Variants in SERPINB5 observed in about 807,000 individuals in gnomAD.
The protein encoded by SERPINB5 is serpin B5.
In SERPINB5, 27 loss-of-function variants were observed where a neutral mutation model predicts 32.2. The ratio of observed to expected loss-of-function variants is 0.84; its 90% CI spans 0.62 to 1.16. SERPINB5 has a LOEUF of 1.16. SERPINB5 is among the 50% of genes most tolerant of loss of function. SERPINB5 has a pLI of 0.00. For missense variants in SERPINB5, 388 were observed against 436.3 expected, an observed-to-expected ratio of 0.89 and a Z score of 0.99; for synonymous variants, 154 against 157.4, an observed-to-expected ratio of 0.98 and a Z score of 0.16.
chr18:63,487,332 T>C (rs1917232533), intron 3 of SERPINB5, among the ~76,000 whole-genome samples: 1 of 152,186 alleles, frequency 6.6e-6, no homozygotes, highest in South Asian at 2.1e-4. Flanking sequence ...AATCTTACCC[T>C]TTCTTTTACC....
rs973786530 is a variant in SERPINB5, at chr18:63,499,269, G to A, written c.717G>A (p.Glu239=). The change falls in exon 6 of 7, where the codon GAG becomes GAA. Residue 239 remains glutamate (E), a synonymous_variant. Transcript: ENST00000382771. The stretch of plus-strand genomic sequence containing the variant: ...TACTACCCAAGGATGTGGAGGATGA[G>A]TCCACAGGCTTGGAGAAGGTAAGGA... The part of the protein sequence containing the change: ...FILLPKDVED[E]STGLEKIEKQ... 3.2e-6 allele frequency: 5 copies of A among 1,585,002 alleles called. No homozygotes were observed. Among genetic ancestry groups the A allele is most frequent in the Non-Finnish European group, 4.3e-6 (5 of 1,165,014 alleles).
At position 63,490,064 on chromosome 18, in the gene SERPINB5, C is replaced by T. The variant is rs575537910; in HGVS notation, c.424+600C>T. On this transcript the variant is annotated intron_variant, in intron 4 of 6. Transcript: ENST00000382771. ...AAAATTAGCCGGGCGTGGTGGCGGG[C>T]GCCTGTAGTCCCAGCTACTCGGGAG... Among the ~76,000 whole-genome samples, 7 of 152,060 alleles carry T rather than the reference C, an allele frequency of 4.6e-5. No individual in the cohort carries two copies. The East Asian group carries it at 9.7e-4, about 21-fold the overall frequency.
At position 63,503,310 on chromosome 18, in the gene SERPINB5, T is replaced by A. The variant is rs753334235; in HGVS notation, c.736-20T>A. On this transcript the variant is annotated intron_variant, in intron 6 of 6. Coordinates refer to ENST00000382771, the MANE Select transcript of SERPINB5 (RefSeq NM_002639.5). Reference sequence around the variant, plus strand: ...GTTGGAAATAAATAAAAATAATTTCTTTTCATTTTTGTCCTTCAGATTGAA... The same window carrying A: ...GTTGGAAATAAATAAAAATAATTTCATTTCATTTTTGTCCTTCAGATTGAA... 6.3e-6 allele frequency: 10 copies of A among 1,594,158 alleles called. No individual in the cohort carries two copies. In the South Asian group the frequency reaches 1.1e-4, roughly 18 times the overall value.
In SERPINB5 at chr18:63,478,353, G is replaced by T. The variant is rs75148059; in HGVS notation, c.-8+1308G>T. 5.4e-3 allele frequency among the ~76,000 whole-genome samples: 826 copies of T among 152,258 alleles called. 1 individual carries two copies. Among genetic ancestry groups the T allele is most frequent in the Admixed American group, 0.013 (195 of 15,304 alleles). ...CTTCTAAAGAGACAGGAGCAGCTAT[G>T]ATGCTTCAGAGCAAAGCAGACGCCC... On this transcript the variant is annotated intron_variant, in intron 1 of 6. Transcript: ENST00000382771.
At chr18:63,493,177 A>G in intron 5 of SERPINB5, 82 bp downstream of exon 5, 1 of 1,588,140 alleles carries the variant, frequency 6.3e-7, no homozygotes, top group Non-Finnish European at 8.6e-7. Context: ...GCATAAATCC[A>G]TTCCAATGAG....
chr18:63,503,690 AT>A lies in SERPINB5; in HGVS notation c.1098del (p.Ile367PhefsTer16), dbSNP rs752901637. 6.2e-7 allele frequency: 1 copy of A among 1,614,198 alleles called. No homozygotes were observed. Among genetic ancestry groups the A allele is most frequent in the South Asian group, 1.1e-5 (1 of 91,082 alleles). The part of the protein sequence containing the change: ...YIIRHNKTRN[I>X]IFFGKFCSP ...CATCAGGCACAACAAAACTCGAAAC[AT>A]TATTTTCTTTGGCAAATTCTGTTCT... On this transcript the variant is annotated frameshift_variant, in exon 7 of 7. Transcript: ENST00000382771. LOFTEE classifies it high-confidence loss of function.
intron 1 of SERPINB5, among the ~76,000 whole-genome samples, chr18:63,478,979 C>T (rs1030291982): frequency 6.6e-6 from 1 of 152,038 alleles, no homozygotes; most frequent in African/African-American, 2.4e-5. Flanking sequence ...AGGCTGGTCT[C>T]GAACTCCTGA....
rs34949686 is a variant in SERPINB5, at chr18:63,500,881, CT to C, written c.735+1597del. On this transcript the variant is annotated intron_variant, in intron 6 of 6. Transcript: ENST00000382771. ...AATTATAATTCCTGTCCTTCTTCTT[CT>C]TTGGTGCATTACTCTCTCTGTTTTT... Among the ~76,000 whole-genome samples the C allele has an allele frequency of 4.3e-3, 659 of 151,798 alleles. 8 individuals carry two copies. Among genetic ancestry groups the C allele is most frequent in the African/African-American group, 0.015 (606 of 41,172 alleles).
intron 6 of SERPINB5, among the ~76,000 whole-genome samples, chr18:63,499,786 C>G (rs1909533357): frequency 6.6e-6 from 1 of 152,068 alleles, no homozygotes; most frequent in Non-Finnish European, 1.5e-5. Flanking sequence ...GACCTGATGT[C>G]AAGCATCCTC....
At chr18:63,489,182 CA>C (rs1248496777) in intron 3 of SERPINB5, among the ~76,000 whole-genome samples, 164 bp from the exon 4 acceptor site, 1 of 152,042 alleles carries the variant, frequency 6.6e-6, no homozygotes, top group African/African-American at 2.4e-5. Context: ...ACATTCAATA[CA>C]AAGAAATTCA....
intron 4 of SERPINB5, chr18:63,490,794 A>AT (rs1491203960): frequency 6.6e-6 from 1 of 152,210 alleles, no homozygotes; most frequent in Non-Finnish European, 1.5e-5. Flanking sequence ...AATGAGGCAC[A>AT]TGTTACCTGA....
At chr18:63,481,609 TTGTACA>T (rs1917128396) in intron 1 of SERPINB5, among the ~76,000 whole-genome samples, 1 of 152,246 alleles carries the variant, frequency 6.6e-6, no homozygotes, top group African/African-American at 2.4e-5. Flanking sequence ...TCATTACTTC[TTGTACA>T]TGTTGAGTTT....
chr18:63,491,401 T>TC (rs113730193), intron 4 of SERPINB5, among the ~76,000 whole-genome samples: 1 of 35,972 alleles, frequency 2.8e-5, no homozygotes, highest in Admixed American at 3.1e-4. Flanking sequence ...AAACTGCGTC[T>TC]CCCAAAAAAA....
At position 63,480,965 on chromosome 18, in the gene SERPINB5, A is replaced by G. The variant is rs1917117645; in HGVS notation, c.-7-3457A>G. Among the ~76,000 whole-genome samples, 3 of 152,244 alleles carry G rather than the reference A, an allele frequency of 2.0e-5. No individual in the cohort carries two copies. In the South Asian group the frequency reaches 6.2e-4, roughly 31 times the overall value. ...GAAAGGAGCCAGTCAGCATAGGAACAGGAAGGCAGATCTCTTTGCGTTCAT... is the reference window on the plus strand; with the variant it reads ...GAAAGGAGCCAGTCAGCATAGGAACGGGAAGGCAGATCTCTTTGCGTTCAT... On this transcript the variant is annotated intron_variant, in intron 1 of 6. Transcript: ENST00000382771.
Position 63,498,817 on chromosome 18 carries a change from A to G in SERPINB5, c.568-303A>G, listed in dbSNP as rs1909504818. Among the ~76,000 whole-genome samples, 1 of 149,586 alleles carries G rather than the reference A, an allele frequency of 6.7e-6. No homozygotes were observed. Among genetic ancestry groups the G allele is most frequent in the Non-Finnish European group, 1.5e-5 (1 of 67,548 alleles). On this transcript the variant is annotated intron_variant, in intron 5 of 6. Coordinates refer to ENST00000382771, the MANE Select transcript of SERPINB5 (RefSeq NM_002639.5). This position sits in a 1 kb window ranked among gnomAD's most constrained non-coding sequence, Gnocchi z 4.2. ...TATGTGTATATATGTGCATGTGTGT[A>G]TATATGTATGGGGTATATATATATA...
chr18:63,487,693 G>A (rs1000158872), intron 3 of SERPINB5, among the ~76,000 whole-genome samples: 3 of 151,968 alleles, frequency 2.0e-5, no homozygotes, highest in Non-Finnish European at 4.4e-5. Flanking sequence ...ACACCACTAC[G>A]GTACCCATTG....
chr18:63,496,392 T>C (rs1433056291), intron 5 of SERPINB5, among the ~76,000 whole-genome samples: 3 of 152,218 alleles, frequency 2.0e-5, no homozygotes, highest in African/African-American at 7.2e-5. Context: ...TGGTTACACA[T>C]AGAGTTGAAG....
chr18:63,497,941 C>T (rs1909485940), intron 5 of SERPINB5, among the ~76,000 whole-genome samples: 2 of 152,164 alleles, frequency 1.3e-5, no homozygotes, highest in Non-Finnish European at 2.9e-5. Flanking sequence ...AACCAAGGTT[C>T]TTATCTTCAA....
intron 5 of SERPINB5, among the ~76,000 whole-genome samples, chr18:63,494,264 G>A (rs1217228843): frequency 7.0e-6 from 1 of 142,332 alleles, no homozygotes; most frequent in African/African-American, 2.6e-5. Context: ...AGAGGTTGCA[G>A]TGAGCTGAGA....
Sources: gnomAD v4.1 joint callset for allele counts (sites outside exome capture counted in the v4.1 genomes callset) on GRCh38, gnomAD v4.1.1 for gene constraint, Gnocchi (gnomAD v3.1) non-coding constraint, MANE v1.5 for transcripts, NCBI Gene and HGNC (gene_info 2026-07-23, HGNC 2026-07-21) for gene names.